TWIST2: variants seen among roughly 807,000 people sequenced by gnomAD.
TWIST2 encodes twist-related protein 2.
In TWIST2, 1 loss-of-function variant was observed where a neutral mutation model predicts 11.6. That is an observed-to-expected ratio of 0.09 (90% CI 0.03 to 0.41). The LOEUF is 0.41. TWIST2 is among the 10% of genes least tolerant of loss of function. The pLI is 0.98. For missense variants in TWIST2, 168 were observed against 226.4 expected, an observed-to-expected ratio of 0.74 and a Z score of 1.66; for synonymous variants, 87 against 96.6, an observed-to-expected ratio of 0.90 and a Z score of 0.58.
chr2:238,848,860 C>A, intron 1 of TWIST2, 127 bp downstream of exon 1: 1 of 710,366 alleles, frequency 1.4e-6, no homozygotes, highest in Non-Finnish European at 1.9e-6. Flanking sequence ...GGATGCCGTG[C>A]GCTTTTCCTC....
intron 1 of TWIST2, among the ~76,000 whole-genome samples, chr2:238,905,981 G>A (rs1436031445): frequency 9.9e-5 from 14 of 141,438 alleles, no homozygotes; most frequent in African/African-American, 3.0e-4. Flanking sequence ...GTGCGCGCGC[G>A]TGTACGTGCG....
chr2:238,881,754 C>T (rs1024198183), intron 1 of TWIST2, among the ~76,000 whole-genome samples: 16 of 152,122 alleles, frequency 1.1e-4, no homozygotes, highest in Non-Finnish European at 1.9e-4. Context: ...CAGCCCAAGT[C>T]CCAGCAGGAA....
chr2:238,905,920 GGTGTGCGT>G (rs1491475163), intron 1 of TWIST2, among the ~76,000 whole-genome samples: 1 of 113,106 alleles, frequency 8.8e-6, no homozygotes, highest in Non-Finnish European at 1.9e-5. Context: ...TGTGCGTGCA[GGTGTGCGT>G]GTGCGCGTGT....
chr2:238,868,408 C>T (rs1180100517), intron 1 of TWIST2, among the ~76,000 whole-genome samples: 3 of 152,186 alleles, frequency 2.0e-5, no homozygotes, highest in Non-Finnish European at 4.4e-5. Flanking sequence ...AAAAACAAAA[C>T]CCAAGCCTGC....
intron 1 of TWIST2, among the ~76,000 whole-genome samples, chr2:238,906,549 C>G (rs1329760267): frequency 1.2e-4 from 18 of 152,176 alleles, no homozygotes; most frequent in East Asian, 1.2e-3. Flanking sequence ...GGCCAACTTA[C>G]ACGATACACA....
chr2:238,865,858 G>A (rs1349173196), intron 1 of TWIST2, among the ~76,000 whole-genome samples: 2 of 152,194 alleles, frequency 1.3e-5, no homozygotes, highest in African/African-American at 2.4e-5. Flanking sequence ...GTCACCTTGT[G>A]TGGTGGAAAT....
chr2:238,856,459 A>C (rs1692330304), intron 1 of TWIST2, among the ~76,000 whole-genome samples: 1 of 152,216 alleles, frequency 6.6e-6, no homozygotes, highest in South Asian at 2.1e-4. Context: ...AGTGTGGAAC[A>C]ATGTAATTTC....
At chr2:238,849,812 C>G (rs1189867352) in intron 1 of TWIST2, among the ~76,000 whole-genome samples, 3 of 152,240 alleles carry the variant, frequency 2.0e-5, no homozygotes, top group Non-Finnish European at 4.4e-5. Flanking sequence ...TCCTTAGGCT[C>G]TGTGAGCAGG....
chr2:238,862,678 C>T (rs181055926), intron 1 of TWIST2, among the ~76,000 whole-genome samples: 27 of 152,324 alleles, frequency 1.8e-4, no homozygotes, highest in African/African-American at 6.0e-4. Flanking sequence ...ATACCCTTTG[C>T]ATGAACAATT....
chr2:238,873,929 G>A (rs150280279), intron 1 of TWIST2, among the ~76,000 whole-genome samples: 36 of 152,288 alleles, frequency 2.4e-4, no homozygotes, highest in Admixed American at 6.5e-4. Context: ...GCATCAGCTC[G>A]AAACTGGGTT....
intron 1 of TWIST2, among the ~76,000 whole-genome samples, chr2:238,882,890 G>A (rs982197469): frequency 6.6e-6 from 1 of 152,106 alleles, no homozygotes; most frequent in Non-Finnish European, 1.5e-5. Flanking sequence ...CAGAGCTGAG[G>A]GGCAGATGAC....
chr2:238,894,648 C>T (rs1044285362), intron 1 of TWIST2, among the ~76,000 whole-genome samples: 16 of 152,182 alleles, frequency 1.1e-4, no homozygotes, highest in Non-Finnish European at 2.2e-4. Context: ...CTGCCTCCTC[C>T]CCAGAGTCAA....
chr2:238,907,973 C>T (rs1693383945), intron 1 of TWIST2, among the ~76,000 whole-genome samples: 1 of 150,270 alleles, frequency 6.7e-6, no homozygotes, highest in Non-Finnish European at 1.5e-5. Context: ...CCACACACTA[C>T]ACACACACCC....
At chr2:238,907,527 C>T (rs1693373681) in intron 1 of TWIST2, among the ~76,000 whole-genome samples, 1 of 152,092 alleles carries the variant, frequency 6.6e-6, no homozygotes, top group Admixed American at 6.5e-5. Flanking sequence ...CTGCACCAAG[C>T]CTGGCACACC....
At chr2:238,877,973 T>C (rs1233475468) in intron 1 of TWIST2, among the ~76,000 whole-genome samples, 2 of 152,090 alleles carry the variant, frequency 1.3e-5, no homozygotes, top group African/African-American at 4.8e-5. Context: ...AATGGAACTG[T>C]GGAGAGCTCA....
At position 238,867,729 on chromosome 2, in the gene TWIST2, G is replaced by T. The variant is rs986636459; in HGVS notation, c.*35+18996G>T. Among the ~76,000 whole-genome samples the T allele has an allele frequency of 2.0e-5, 3 of 152,176 alleles. No homozygotes were observed. The highest frequency in any genetic ancestry group is 1.9e-4 in the East Asian group (1 of 5,176). On this transcript the variant is annotated intron_variant, in intron 1 of 1. Transcript: ENST00000612363. The surrounding 1 kb of genome is among the most constrained non-coding windows in gnomAD (Gnocchi z 4.8). The stretch of plus-strand genomic sequence containing the variant: ...TTAGGTATTGAGTGCCCTGAAACTA[G>T]AAACTGAAAAGGCAGTCACATCCTC...
At position 238,866,658 on chromosome 2, in the gene TWIST2, GAAA is replaced by G. The variant is rs377679301; in HGVS notation, c.*35+17933_*35+17935del. On this transcript the variant is annotated intron_variant, in intron 1 of 1. Coordinates refer to ENST00000612363, the MANE Select transcript of TWIST2 (RefSeq NM_001271893.4). The surrounding 1 kb of genome is among the most constrained non-coding windows in gnomAD (Gnocchi z 4.9). Reference sequence around the variant, plus strand: ...GGTGACAGAGCGAGACTCCACCATGGAAAAAAAAAAGAAAAGCACGGCGCCTTC... The same window carrying G: ...GGTGACAGAGCGAGACTCCACCATGGAAAAAAAGAAAAGCACGGCGCCTTC... Among the ~76,000 whole-genome samples the G allele has an allele frequency of 6.7e-6, 1 of 148,270 alleles. No individual in the cohort carries two copies. Among genetic ancestry groups the G allele is most frequent in the African/African-American group, 2.5e-5 (1 of 40,352 alleles).
At chr2:238,883,394 T>C (rs1163863887) in intron 1 of TWIST2, among the ~76,000 whole-genome samples, 1 of 152,174 alleles carries the variant, frequency 6.6e-6, no homozygotes, top group East Asian at 1.9e-4. Flanking sequence ...TAAAATCCAC[T>C]CAGCTTGCTG....
At chr2:238,906,442 A>C (rs1693357016) in intron 1 of TWIST2, among the ~76,000 whole-genome samples, 1 of 151,828 alleles carries the variant, frequency 6.6e-6, no homozygotes, top group African/African-American at 2.4e-5. Context: ...ATGCGCACAC[A>C]CACATACACA....
Sources: allele counts gnomAD v4.1 joint callset (sites outside exome capture counted in the v4.1 genomes callset), GRCh38; gene constraint gnomAD v4.1.1; non-coding constraint Gnocchi (gnomAD v3.1); transcripts MANE v1.5; gene names NCBI Gene and HGNC (gene_info 2026-07-23, HGNC 2026-07-21).